The following CAMKMT variants were observed in gnomAD, a reference collection of about 807,000 sequenced individuals.
CAMKMT encodes the protein CaM KMT.
Under a neutral mutation model 48.0 loss-of-function variants are expected in CAMKMT, and 53 were observed. The observed-to-expected ratio is 1.10, with a 90% CI of 0.89 to 1.39. The LOEUF (loss-of-function observed/expected upper bound fraction) is 1.39. Ranked by LOEUF, CAMKMT falls within the 40% of genes most tolerant of loss-of-function variation. The pLI, the probability that CAMKMT is intolerant of heterozygous loss-of-function variation, is 0.00. For missense variants in CAMKMT, 428 were observed against 402.7 expected (o/e 1.06, Z -0.54); for synonymous variants, 165 against 152.3 (o/e 1.08, Z -0.61).
intron 3 of CAMKMT, among the ~76,000 whole-genome samples, chr2:44,441,921 G>GT (rs899273519): frequency 1.7e-4 from 26 of 152,166 alleles, no homozygotes; most frequent in Non-Finnish European, 2.6e-4. Context: ...TTTGTTTTTT[G>GT]TTTTTTCATT....
At chr2:44,438,486 G>A (rs1666423145) in intron 3 of CAMKMT, among the ~76,000 whole-genome samples, 1 of 152,186 alleles carries the variant, frequency 6.6e-6, no homozygotes, top group Non-Finnish European at 1.5e-5. Context: ...AAGAGTTAAA[G>A]AGTAGTCCTC....
chr2:44,477,021 A>G (rs1282533093), intron 3 of CAMKMT, among the ~76,000 whole-genome samples: 2 of 152,206 alleles, frequency 1.3e-5, no homozygotes, highest in African/African-American at 2.4e-5. Context: ...TCTCAGAGAC[A>G]TCATTACTAT....
chr2:44,525,776 G>C (rs1436581621), intron 3 of CAMKMT, among the ~76,000 whole-genome samples: 1 of 152,152 alleles, frequency 6.6e-6, no homozygotes, highest in East Asian at 1.9e-4. Flanking sequence ...AAGTAGCTGA[G>C]CTAAGATTCA....
At position 44,545,681 on chromosome 2, in the gene CAMKMT, C is replaced by CTTT. The variant is rs71393283; in HGVS notation, c.376+155391_376+155393dup. ...CGGTGTTCTAACTTCTAGACTCGGT[C>CTTT]TTTTTTTTTTTTTTTTTAACTATAT... On this transcript the variant is annotated intron_variant, in intron 3 of 10. Coordinates refer to ENST00000378494, the MANE Select transcript of CAMKMT (RefSeq NM_024766.5). 2.7e-3 allele frequency among the ~76,000 whole-genome samples: 372 copies of CTTT among 135,646 alleles called. 4 individuals are homozygous for CTTT. The highest frequency in any genetic ancestry group is 5.0e-3 in the Admixed American group (67 of 13,492). The allele number at this position is 135,646 out of a possible 152,430, so 89.0% of individuals were successfully genotyped here. A position where few individuals can be genotyped will look rare whatever the true frequency, so the allele number is the denominator to read the frequency against.
intron 2 of CAMKMT, among the ~76,000 whole-genome samples, chr2:44,380,662 C>T (rs1256643022): frequency 6.6e-6 from 1 of 152,184 alleles, no homozygotes; most frequent in Non-Finnish European, 1.5e-5. Flanking sequence ...ATAATTAGAA[C>T]TAACTTCTTA....
At chr2:44,369,278 A>C (rs930248574) in intron 1 of CAMKMT, among the ~76,000 whole-genome samples, 2 of 152,226 alleles carry the variant, frequency 1.3e-5, no homozygotes, top group Non-Finnish European at 2.9e-5. Context: ...TTAAAAAACT[A>C]ACCTTCTAAA....
intron 7 of CAMKMT, among the ~76,000 whole-genome samples, chr2:44,722,169 CTTTTTTCTTTTTTT>C: frequency 1.3e-5 from 1 of 77,952 alleles, no homozygotes; most frequent in African/African-American, 5.0e-5. Flanking sequence ...TTTCCTTTTT[CTTTTTTCTTTTTTT>C]TTTTTTTTTT....
At chr2:44,408,492 C>T (rs918777997) in intron 3 of CAMKMT, among the ~76,000 whole-genome samples, 13 of 151,240 alleles carry the variant, frequency 8.6e-5, no homozygotes, top group Non-Finnish European at 1.5e-4. Flanking sequence ...CCCTGCAATA[C>T]ATAAATTATT....
At chr2:44,416,391 A>G (rs1028342978) in intron 3 of CAMKMT, among the ~76,000 whole-genome samples, 1 of 152,092 alleles carries the variant, frequency 6.6e-6, no homozygotes, top group Non-Finnish European at 1.5e-5. Context: ...AACCTATGGA[A>G]CATTTCTATC....
At chr2:44,533,462 C>T (rs1666598563) in intron 3 of CAMKMT, among the ~76,000 whole-genome samples, 1 of 152,144 alleles carries the variant, frequency 6.6e-6, no homozygotes. Flanking sequence ...TGGTCTTGAA[C>T]TCCTGACCTC....
intron 3 of CAMKMT, among the ~76,000 whole-genome samples, chr2:44,546,289 C>T (rs754511936): frequency 6.6e-5 from 10 of 151,980 alleles, no homozygotes; most frequent in Non-Finnish European, 1.2e-4. Flanking sequence ...AGCCCAAAGC[C>T]GCTGTTGGCC....
chr2:44,386,414 T>C (rs1572710970), intron 2 of CAMKMT, among the ~76,000 whole-genome samples: 1 of 152,186 alleles, frequency 6.6e-6, no homozygotes, highest in South Asian at 2.1e-4. Context: ...TTTTCTTGGT[T>C]AATCTTGCTA....
chr2:44,599,011 A>C (rs1478320781), intron 3 of CAMKMT, among the ~76,000 whole-genome samples: 1 of 152,014 alleles, frequency 6.6e-6, no homozygotes, highest in Non-Finnish European at 1.5e-5. Flanking sequence ...TATGTCTTTA[A>C]AACTTTGACC....
chr2:44,661,992 C>T (rs141402361), intron 3 of CAMKMT, among the ~76,000 whole-genome samples: 342 of 152,278 alleles, frequency 2.2e-3, no homozygotes, highest in Non-Finnish European at 3.5e-3. Flanking sequence ...ATAGCTTGCC[C>T]ATATGAGTCT....
At chr2:44,768,677 G>T (rs1680968327) in intron 10 of CAMKMT, among the ~76,000 whole-genome samples, 1 of 152,166 alleles carries the variant, frequency 6.6e-6, no homozygotes, top group African/African-American at 2.4e-5. Flanking sequence ...GCCCGCCCGG[G>T]GCTCCGGGAC....
chr2:44,598,618 A>T (rs1465044603), intron 3 of CAMKMT, among the ~76,000 whole-genome samples: 1 of 150,372 alleles, frequency 6.7e-6, no homozygotes, highest in Non-Finnish European at 1.5e-5. Context: ...TAGAAATACA[A>T]TGATTAAAGG....
At chr2:44,623,821 A>G (rs1672330443) in intron 3 of CAMKMT, among the ~76,000 whole-genome samples, 1 of 152,198 alleles carries the variant, frequency 6.6e-6, no homozygotes, top group Admixed American at 6.5e-5. Context: ...CACCACCAGG[A>G]AGCTACAGAT....
chr2:44,715,212 A>AT, intron 6 of CAMKMT, 75 bp from the exon 7 acceptor site: 11 of 897,462 alleles, frequency 1.2e-5, no homozygotes, highest in South Asian at 3.5e-5. Flanking sequence ...AAAAAAAAAA[A>AT]GATAACTGTT....
chr2:44,416,991 T>C (rs557294243), intron 3 of CAMKMT, among the ~76,000 whole-genome samples: 1 of 152,210 alleles, frequency 6.6e-6, no homozygotes, highest in Admixed American at 6.5e-5. Context: ...TGGAGTGTAG[T>C]GGCCTGATCA....
Sources: gnomAD v4.1 joint callset for allele counts (sites outside exome capture counted in the v4.1 genomes callset) on GRCh38, gnomAD v4.1.1 for gene constraint, MANE v1.5 for transcripts, NCBI Gene and HGNC (gene_info 2026-07-23, HGNC 2026-07-21) for gene names.